The following CHMP3 variants were observed in gnomAD, a reference collection of about 807,000 sequenced individuals.
The protein encoded by CHMP3 is charged multivesicular body protein 3, also known as 25.1 protein.
In CHMP3, 8 loss-of-function variants were observed where a neutral mutation model predicts 27.4. The observed-to-expected ratio is 0.29, with a 90% CI of 0.17 to 0.53. The LOEUF (loss-of-function observed/expected upper bound fraction) is 0.53. Ranked by LOEUF, CHMP3 falls within the 20% of genes least tolerant of loss-of-function variation. The probability of loss-of-function intolerance (pLI) is 0.96; values close to 1 mark genes in which losing one functional copy is unlikely to be tolerated. For missense variants in CHMP3, 208 were observed against 271.5 expected, an observed-to-expected ratio of 0.77 and a Z score of 1.64; for synonymous variants, 86 against 85.5, an observed-to-expected ratio of 1.01 and a Z score of -0.03.
intron 3 of CHMP3, among the ~76,000 whole-genome samples, chr2:86,517,091 C>T (rs1441097642): frequency 6.6e-6 from 1 of 151,970 alleles, no homozygotes; most frequent in Non-Finnish European, 1.5e-5. Flanking sequence ...TGTGAGTCTA[C>T]TATTTTCTAA....
intron 1 of CHMP3, among the ~76,000 whole-genome samples, chr2:86,551,862 A>G (rs1266221700): frequency 6.6e-6 from 1 of 152,232 alleles, no homozygotes; most frequent in East Asian, 1.9e-4. Context: ...TTTTTAAAGA[A>G]CATGTTTCCC....
At position 86,563,390 on chromosome 2, in the gene CHMP3, C is replaced by A; in HGVS notation, c.-42G>T. On this transcript the variant is annotated 5_prime_UTR_variant, in exon 1 of 6. Coordinates refer to ENST00000263856, the MANE Select transcript of CHMP3 (RefSeq NM_016079.4). ...CTTGCCCCTTCCGGCTTTCAGTTCC[C>A]CGCGCCCAGGCAGGTCACGGGCAGC... 1 of 1,604,560 alleles carries A rather than the reference C, an allele frequency of 6.2e-7. No individual in the cohort carries two copies.
chr2:86,520,318 T>G (rs1172749911), intron 3 of CHMP3, among the ~76,000 whole-genome samples: 1 of 152,032 alleles, frequency 6.6e-6, no homozygotes, highest in Non-Finnish European at 1.5e-5. Context: ...CTCAGTAAAC[T>G]TACACCATGG....
intron 2 of CHMP3, among the ~76,000 whole-genome samples, chr2:86,530,760 T>A (rs1168617468): frequency 6.6e-6 from 1 of 152,248 alleles, no homozygotes; most frequent in Non-Finnish European, 1.5e-5. Context: ...TTTTTCACAG[T>A]GGCTTCATCA....
intron 3 of CHMP3, among the ~76,000 whole-genome samples, chr2:86,525,060 TA>T (rs112166375): frequency 0.2 from 29,654 of 152,068 alleles, 3,741 homozygotes; most frequent in African/African-American, 0.35. Context: ...GATGCATCAT[TA>T]ACATCTTTCT....
intron 1 of CHMP3, chr2:86,563,011 A>C: frequency 6.1e-6 from 2 of 327,348 alleles, no homozygotes; most frequent in Non-Finnish European, 1.1e-5. Context: ...CGCAGGGGGA[A>C]GAGGTTTCCG....
chr2:86,540,523 C>T (rs1320047046), intron 2 of CHMP3: 1 of 152,044 alleles, frequency 6.6e-6, no homozygotes, highest in Non-Finnish European at 1.5e-5. Context: ...ATCCGAAATC[C>T]AAAATCTGAA....
chr2:86,530,051 A>G (rs528844758), intron 2 of CHMP3, among the ~76,000 whole-genome samples: 7 of 151,714 alleles, frequency 4.6e-5, no homozygotes, highest in Non-Finnish European at 1.0e-4. Context: ...CTGGAGTGCA[A>G]TGGTGCAGTC....
rs976376921 is a variant in CHMP3 at position 86,504,216 on chromosome 2, A to C, written c.*1588T>G. The C allele has an allele frequency of 4.6e-5, 7 of 152,192 alleles. No individual in the cohort carries two copies. Among genetic ancestry groups the C allele is most frequent in the African/African-American group, 1.7e-4 (7 of 41,454 alleles). The allele number at this position is 152,192 out of a possible 1,614,324, so 9.4% of individuals were successfully genotyped here. The stretch of plus-strand genomic sequence containing the variant: ...TTTGTCTAAGCCCATACAATGTACA[A>C]CACCAGAGTGAATCTTCATGTAAAC... On this transcript the variant is annotated 3_prime_UTR_variant, in exon 6 of 6. Transcript: ENST00000263856.
rs1029684498 is a variant in CHMP3 at position 86,553,059 on chromosome 2, C to A, written c.45+10245G>T. Among the ~76,000 whole-genome samples the A allele has an allele frequency of 3.9e-5, 6 of 151,908 alleles. No individual in the cohort carries two copies. In the East Asian group the frequency reaches 1.2e-3, roughly 29 times the overall value. The stretch of plus-strand genomic sequence containing the variant: ...TTGATGGGGGATGGTGGGGGAGGAA[C>A]AGCATCAGGAAGAACAGCTAATGGA... On this transcript the variant is annotated intron_variant, in intron 1 of 5. Coordinates refer to ENST00000263856, the MANE Select transcript of CHMP3 (RefSeq NM_016079.4).
chr2:86,563,427 G>A lies in CHMP3; in HGVS notation c.-79C>T, dbSNP rs1418705676. 1.9e-6 allele frequency: 3 copies of A among 1,574,184 alleles called. No homozygotes were observed. The highest frequency in any genetic ancestry group is 2.6e-6 in the Non-Finnish European group (3 of 1,149,198). ...AGGTCACGGGCAGCCGCCTGGGCGG[G>A]GCCCGCGGAAAAGGAGGTAGTCCCA... On this transcript the variant is annotated 5_prime_UTR_variant, in exon 1 of 6. Transcript: ENST00000263856.
At chr2:86,545,539 G>A (rs1419948219) in intron 1 of CHMP3, among the ~76,000 whole-genome samples, 10 of 115,756 alleles carry the variant, frequency 8.6e-5, no homozygotes, top group South Asian at 3.1e-4. Context: ...CTTCCCAGAC[G>A]GGGCGACTGC....
Position 86,540,424 on chromosome 2 carries a change from G to A in CHMP3, c.106+1828C>T, listed in dbSNP as rs1676317117. On this transcript the variant is annotated intron_variant, in intron 2 of 5. Transcript: ENST00000263856. ...AGGTTGAATATCTCTTATCCAACAT[G>A]CTTGGGACCAAATGTCTTTCAGGCT... Among the ~76,000 whole-genome samples, 3 of 152,100 alleles carry A rather than the reference G, an allele frequency of 2.0e-5. No individual in the cohort carries two copies. In the South Asian group the frequency reaches 6.2e-4, roughly 32 times the overall value.
intron 3 of CHMP3, among the ~76,000 whole-genome samples, chr2:86,520,503 A>T (rs1004409660): frequency 5.9e-5 from 9 of 152,046 alleles, no homozygotes; most frequent in Non-Finnish European, 1.0e-4. Context: ...TGATCCAATC[A>T]CCTCCCACCA....
chr2:86,545,338 G>A (rs1186653836), intron 1 of CHMP3, among the ~76,000 whole-genome samples: 10 of 74,934 alleles, frequency 1.3e-4, no homozygotes, highest in Non-Finnish European at 2.1e-4. Context: ...CTCACCTCCC[G>A]GACGAAGGGC....
chr2:86,532,213 T>C (rs997359690), intron 2 of CHMP3, among the ~76,000 whole-genome samples: 5 of 152,224 alleles, frequency 3.3e-5, no homozygotes, highest in African/African-American at 9.6e-5. Context: ...TTTGATGCTA[T>C]TGAGAATGGG....
At chr2:86,551,279 A>ATT (rs34719408) in intron 1 of CHMP3, among the ~76,000 whole-genome samples, 13 of 139,110 alleles carry the variant, frequency 9.3e-5, no homozygotes, top group Admixed American at 1.4e-4. Flanking sequence ...ATGAACTCCA[A>ATT]TTTTTTTTTT....
rs1674847490 is a variant in CHMP3 at position 86,505,293 on chromosome 2, G to C, written c.*511C>G. 1 of 152,258 alleles carries C rather than the reference G, an allele frequency of 6.6e-6. No individual in the cohort carries two copies. Among genetic ancestry groups the C allele is most frequent in the Admixed American group, 6.5e-5 (1 of 15,274 alleles). The allele number at this position is 152,258 out of a possible 1,614,324, so 9.4% of individuals were successfully genotyped here. Reference sequence around the variant, plus strand: ...GCCATACCATGTCTGTGAAAGCCGGGGAGCAGCAACCACAGAGCAGAAGTC... The same window carrying C: ...GCCATACCATGTCTGTGAAAGCCGGCGAGCAGCAACCACAGAGCAGAAGTC... On this transcript the variant is annotated 3_prime_UTR_variant, in exon 6 of 6. Coordinates refer to ENST00000263856, the MANE Select transcript of CHMP3 (RefSeq NM_016079.4).
In CHMP3 at chr2:86,505,162, A is replaced by G. The variant is rs1295024547; in HGVS notation, c.*642T>C. ...ATGGGAAGGAAGGGACAGAAGCTCT[A>G]AATAGACCCACATGCACACCCCAGG... On this transcript the variant is annotated 3_prime_UTR_variant, in exon 6 of 6. Coordinates refer to ENST00000263856, the MANE Select transcript of CHMP3 (RefSeq NM_016079.4). 6.5e-6 allele frequency: 1 copy of G among 152,770 alleles called. No individual in the cohort carries two copies. Among genetic ancestry groups the G allele is most frequent in the Non-Finnish European group, 1.5e-5 (1 of 68,248 alleles). 9.5% of individuals were successfully genotyped at this position (152,770 alleles called of 1,614,324 possible).
Sources: gnomAD v4.1 joint callset for allele counts (sites outside exome capture counted in the v4.1 genomes callset) on GRCh38, gnomAD v4.1.1 for gene constraint, MANE v1.5 for transcripts, NCBI Gene and HGNC (gene_info 2026-07-23, HGNC 2026-07-21) for gene names.